DNAH8: variants seen among roughly 807,000 people sequenced by gnomAD.
DNAH8 encodes axonemal beta dynein heavy chain 8.
DNAH8 carries 382 observed loss-of-function variants against 562.1 expected under a neutral mutation model. The ratio of observed to expected loss-of-function variants is 0.68; its 90% CI spans 0.63 to 0.74. The LOEUF is 0.74. DNAH8 is among the 30% of genes least tolerant of loss of function. DNAH8 has a pLI of 0.00. For missense variants in DNAH8, 5,203 were observed against 5,620.4 expected (o/e 0.93, Z 2.37); for synonymous variants, 1,881 against 1,919.4 (o/e 0.98, Z 0.52).
At chr6:38,731,114 G>A (rs1490093823) in intron 4 of DNAH8, among the ~76,000 whole-genome samples, 2 of 152,162 alleles carry the variant, frequency 1.3e-5, no homozygotes, top group Non-Finnish European at 2.9e-5. Flanking sequence ...TAGTGACTAG[G>A]TTGGCTTTGT....
At chr6:38,914,666 A>G (rs1241841801) in intron 67 of DNAH8, among the ~76,000 whole-genome samples, 1 of 151,828 alleles carries the variant, frequency 6.6e-6, no homozygotes, top group African/African-American at 2.4e-5. Context: ...CTGCTTTTTT[A>G]TCTATTATAC....
At chr6:38,733,560 A>G (rs1049602780) in intron 4 of DNAH8, among the ~76,000 whole-genome samples, 2 of 152,228 alleles carry the variant, frequency 1.3e-5, no homozygotes, top group African/African-American at 4.8e-5. Flanking sequence ...AGGCCAGGCC[A>G]AAAGGAACAG....
intron 91 of DNAH8, among the ~76,000 whole-genome samples, chr6:39,013,494 G>C (rs745664001): frequency 1.3e-5 from 2 of 152,102 alleles, no homozygotes; most frequent in Non-Finnish European, 2.9e-5. Flanking sequence ...AGAAGAACAG[G>C]CACAATGGCT....
chr6:38,974,414 G>C lies in DNAH8; in HGVS notation c.12719G>C (p.Arg4240Pro). The change falls in exon 85 of 93, where the codon CGC becomes CCC. Residue 4240 changes from arginine (R) to proline (P), a missense_variant. This residue lies in a region of DNAH8 where 1,399 missense variants were observed against 1,518.4 expected (regional missense o/e 0.92). Coordinates refer to ENST00000327475, the MANE Select transcript of DNAH8 (RefSeq NM_001206927.2). ...ACTAATGAGCCACCCCAAGGTGTAC[G>C]CGCAGGTTTGAAAAGAACATTTGCT... is the stretch of plus-strand genomic sequence containing the variant. ...KFTNEPPQGV[R>P]AGLKRTFAGI... is the part of the protein sequence containing the mutation. The C allele has an allele frequency of 2.5e-6, 4 of 1,613,954 alleles. No homozygotes were observed. The highest frequency in any genetic ancestry group is 3.4e-6 in the Non-Finnish European group (4 of 1,179,842).
Position 38,918,006 on chromosome 6 carries a change from C to T in DNAH8, c.10390C>T (p.Gln3464Ter). 1 of 1,613,818 alleles carries T rather than the reference C, an allele frequency of 6.2e-7. No homozygotes were observed. The highest frequency in any genetic ancestry group is 8.5e-7 in the Non-Finnish European group (1 of 1,179,794). ...TINEETVELLQPYFNMDDYTF... is the reference protein window; with the variant it reads ...TINEETVELL ...AAATGAAGAGACTGTTGAGTTACTACAGCCATATTTTAATATGGATGATTA... is the reference window on the plus strand; with the variant it reads ...AAATGAAGAGACTGTTGAGTTACTATAGCCATATTTTAATATGGATGATTA... Residue 3464 changes from glutamine (Q) to a stop codon, truncating the protein, a stop_gained, in exon 70 of 93, where the codon CAG (glutamine) becomes TAG (stop). Transcript: ENST00000327475. LOFTEE classifies it high-confidence loss of function.
chr6:38,974,480 T>C lies in DNAH8; in HGVS notation c.12785T>C (p.Met4262Thr), dbSNP rs752320612. 3.7e-6 allele frequency: 6 copies of C among 1,614,010 alleles called. No individual in the cohort carries two copies. The highest frequency in any genetic ancestry group is 1.7e-5 in the Admixed American group (1 of 60,022). ...QDLLDISNLP[M>T]WKPMLYTVAF... Reference sequence around the variant, plus strand: ...CTTCTGGACATCAGTAATTTACCCATGTGGAAGCCGATGCTTTACACAGTA... The same window carrying C: ...CTTCTGGACATCAGTAATTTACCCACGTGGAAGCCGATGCTTTACACAGTA... The change falls in exon 85 of 93, where the codon ATG becomes ACG. Residue 4262 changes from methionine (M) to threonine (T), a missense_variant. By Grantham distance (81) the Met-to-Thr change is moderately conservative (BLOSUM62 -1). This residue lies in a region of DNAH8 where 1,399 missense variants were observed against 1,518.4 expected (regional missense o/e 0.92). Transcript: ENST00000327475.
intron 62 of DNAH8, among the ~76,000 whole-genome samples, chr6:38,906,022 C>T (rs535698765): frequency 6.6e-6 from 1 of 152,132 alleles, no homozygotes; most frequent in East Asian, 1.9e-4. Context: ...TCTCCTGCCT[C>T]AGCCTCCCAA....
intron 91 of DNAH8, 119 bp from the exon 92 acceptor site, chr6:39,026,427 C>G: frequency 9.1e-7 from 1 of 1,102,862 alleles, no homozygotes; most frequent in Non-Finnish European, 1.3e-6. Context: ...GCCTCAACTC[C>G]TTTTGAGATG....
At position 38,899,055 on chromosome 6, in the gene DNAH8, A is replaced by T. The variant is rs1053610061; in HGVS notation, c.9063+675A>T. ...CCATCTGCAAAACTTGTATTTTTTT[A>T]AAAATTATTTTTAGTGGTGATAGTG... is the stretch of plus-strand genomic sequence containing the variant. On this transcript the variant is annotated intron_variant, in intron 61 of 92. Transcript: ENST00000327475. Among the ~76,000 whole-genome samples, 4 of 152,332 alleles carry T rather than the reference A, an allele frequency of 2.6e-5. No individual in the cohort carries two copies. In the East Asian group the frequency reaches 7.7e-4, roughly 29 times the overall value.
chr6:38,722,821 T>C lies in DNAH8; in HGVS notation c.12T>C (p.Asp4=). 2 of 1,591,304 alleles carry C rather than the reference T, an allele frequency of 1.3e-6. No individual in the cohort carries two copies. The highest frequency in any genetic ancestry group is 1.1e-5 in the South Asian group (1 of 88,470). The part of the protein sequence containing the change: MEK[D]AEDGAPSEGA... Reference sequence around the variant, plus strand: ...CCGCACGACGGGGGATGGAGAAGGATGCTGAAGATGGCGCCCCTTCTGAGG... The same window carrying C: ...CCGCACGACGGGGGATGGAGAAGGACGCTGAAGATGGCGCCCCTTCTGAGG... Residue 4 remains aspartate (D), a synonymous_variant, in exon 2 of 93, where the codon GAT becomes GAC. Transcript: ENST00000327475.
At chr6:38,805,755 C>T (rs1771216329) in intron 23 of DNAH8, among the ~76,000 whole-genome samples, 159 bp downstream of exon 23, 1 of 152,194 alleles carries the variant, frequency 6.6e-6, no homozygotes, top group African/African-American at 2.4e-5. Flanking sequence ...TAGGATCAGG[C>T]AATCCTTTAA....
chr6:38,994,483 A>G (rs1338136990), intron 88 of DNAH8, among the ~76,000 whole-genome samples: 2 of 144,450 alleles, frequency 1.4e-5, no homozygotes, highest in African/African-American at 5.1e-5. Flanking sequence ...TCATCAGGGT[A>G]TAAAGGAATC....
chr6:38,842,213 GTATTGAAAATGGA>G (rs1209085366), intron 33 of DNAH8, among the ~76,000 whole-genome samples, 142 bp from the exon 34 acceptor site: 1 of 152,150 alleles, frequency 6.6e-6, no homozygotes, highest in Non-Finnish European at 1.5e-5. Context: ...CGAAGTCTTT[GTATTGAAAATGGA>G]TATAGTTGTA....
chr6:38,729,873 T>C, intron 3 of DNAH8, 29 bp from the exon 4 acceptor site: 1 of 1,223,194 alleles, frequency 8.2e-7, no homozygotes, highest in Non-Finnish European at 1.2e-6. Flanking sequence ...CTTAGTCGTT[T>C]GATTATCATT....
chr6:38,947,623 C>T (rs1006938458), intron 80 of DNAH8, among the ~76,000 whole-genome samples: 1 of 152,120 alleles, frequency 6.6e-6, no homozygotes, highest in Non-Finnish European at 1.5e-5. Flanking sequence ...TGGGCAGGGG[C>T]AAGGTAGGGC....
intron 1 of DNAH8, among the ~76,000 whole-genome samples, chr6:38,716,278 T>A (rs910562027): frequency 6.6e-6 from 1 of 151,876 alleles, no homozygotes; most frequent in African/African-American, 2.4e-5. Context: ...TATATATTTT[T>A]AAAAATTCAA....
rs145158635 is a variant in DNAH8, at chr6:38,777,348, G to T, written c.1963-1040G>T. ...TTATAAAGGCTTTATTGTGGACTTAGATTCAAATTTTAGCTTTCAGTAAAT... is the reference window on the plus strand; with the variant it reads ...TTATAAAGGCTTTATTGTGGACTTATATTCAAATTTTAGCTTTCAGTAAAT... On this transcript the variant is annotated intron_variant, in intron 13 of 92. Transcript: ENST00000327475. Among the ~76,000 whole-genome samples, 15 of 152,164 alleles carry T rather than the reference G, an allele frequency of 9.9e-5. No homozygotes were observed. In the East Asian group the frequency reaches 2.5e-3, roughly 25 times the overall value.
chr6:38,997,198 A>G (rs1482824757), intron 88 of DNAH8, among the ~76,000 whole-genome samples: 4 of 151,904 alleles, frequency 2.6e-5, no homozygotes, highest in African/African-American at 9.7e-5. Context: ...CTGAGTACCT[A>G]GGTTTGATTC....
intron 12 of DNAH8, among the ~76,000 whole-genome samples, chr6:38,775,185 T>C (rs901174434): frequency 2.0e-5 from 3 of 152,162 alleles, no homozygotes; most frequent in African/African-American, 7.2e-5. Flanking sequence ...TTTTTGTTTG[T>C]TTGTTTTGGT....
Sources: allele counts gnomAD v4.1 joint callset (sites outside exome capture counted in the v4.1 genomes callset), GRCh38; gene constraint gnomAD v4.1.1; regional missense constraint gnomAD v4.1.1; transcripts MANE v1.5; gene names NCBI Gene and HGNC (gene_info 2026-07-23, HGNC 2026-07-21).